Variants in RYR3 observed in about 807,000 individuals in gnomAD.
RYR3 encodes the protein brain ryanodine receptor-calcium release channel.
In RYR3, 207 loss-of-function variants were observed where a neutral mutation model predicts 584.3. The ratio of observed to expected loss-of-function variants is 0.35; its 90% CI spans 0.32 to 0.40. The LOEUF is 0.40. RYR3 is among the 10% of genes least tolerant of loss of function. RYR3 has a pLI of 1.00. For missense variants in RYR3, 5,616 were observed against 6,089.2 expected, an observed-to-expected ratio of 0.92 and a Z score of 2.59; for synonymous variants, 2,416 against 2,248.5, an observed-to-expected ratio of 1.07 and a Z score of -2.11.
intron 43 of RYR3, among the ~76,000 whole-genome samples, chr15:33,719,538 T>A (rs2067747946): frequency 6.6e-6 from 1 of 152,198 alleles, no homozygotes. Flanking sequence ...TTTCCTCCAT[T>A]TTTTTATATT....
At chr15:33,691,769 A>T (rs901444358) in intron 38 of RYR3, among the ~76,000 whole-genome samples, 2 of 152,190 alleles carry the variant, frequency 1.3e-5, no homozygotes, top group African/African-American at 4.8e-5. Flanking sequence ...AAAATTAATA[A>T]TTTTTACTGC....
chr15:33,533,887 C>T, intron 5 of RYR3, among the ~76,000 whole-genome samples: 2 of 101,042 alleles, frequency 2.0e-5, no homozygotes, highest in South Asian at 3.2e-4. Flanking sequence ...ATATCATTTA[C>T]TTTATGATTT....
chr15:33,478,321 T>C (rs986899427), intron 2 of RYR3, among the ~76,000 whole-genome samples: 1 of 152,118 alleles, frequency 6.6e-6, no homozygotes, highest in African/African-American at 2.4e-5. Context: ...ACAAAGAGCT[T>C]GAGAGGGTCC....
chr15:33,797,764 T>C (rs2075707108), intron 67 of RYR3, among the ~76,000 whole-genome samples: 1 of 152,120 alleles, frequency 6.6e-6, no homozygotes, highest in Non-Finnish European at 1.5e-5. Flanking sequence ...AGATAGGATA[T>C]GATCCTCATC....
chr15:33,490,538 C>G (rs1470677461), intron 2 of RYR3, among the ~76,000 whole-genome samples: 1 of 152,038 alleles, frequency 6.6e-6, no homozygotes, highest in Non-Finnish European at 1.5e-5. Context: ...CTCTTCAATT[C>G]CAAGAGTAGT....
chr15:33,563,968 A>G (rs954259620), intron 11 of RYR3, among the ~76,000 whole-genome samples: 2 of 152,212 alleles, frequency 1.3e-5, no homozygotes, highest in African/African-American at 4.8e-5. Context: ...GGCTGGATAC[A>G]GTACCTTCAA....
chr15:33,685,010 A>G (rs992543785), intron 38 of RYR3, among the ~76,000 whole-genome samples: 3 of 152,250 alleles, frequency 2.0e-5, no homozygotes, highest in African/African-American at 4.8e-5. Flanking sequence ...TGTAAAGACC[A>G]TTGATGCTAT....
chr15:33,584,577 T>C, intron 15 of RYR3, 87 bp downstream of exon 15: 3 of 641,888 alleles, frequency 4.7e-6, no homozygotes, highest in South Asian at 2.0e-5. Flanking sequence ...TTGAATCTTT[T>C]CCAATGGATT....
chr15:33,536,103 G>A (rs1283545348), intron 5 of RYR3, among the ~76,000 whole-genome samples: 17 of 152,160 alleles, frequency 1.1e-4, no homozygotes, highest in Admixed American at 1.1e-3. Flanking sequence ...GCAGGAGGAG[G>A]TTCACACGGA....
intron 54 of RYR3, 97 bp from the exon 55 acceptor site, chr15:33,748,371 A>G: frequency 6.6e-7 from 1 of 1,524,844 alleles, no homozygotes; most frequent in Non-Finnish European, 9.0e-7. Context: ...AACCCTGGGG[A>G]GTTTTCAGGA....
chr15:33,414,731 A>G (rs761773046), intron 1 of RYR3, among the ~76,000 whole-genome samples: 31 of 152,054 alleles, frequency 2.0e-4, no homozygotes, highest in Admixed American at 2.6e-4. Context: ...CAGCCTCCCA[A>G]GTAGCTGGGA....
chr15:33,434,942 C>T (rs187187564), intron 1 of RYR3, among the ~76,000 whole-genome samples: 1 of 152,086 alleles, frequency 6.6e-6, no homozygotes, highest in East Asian at 1.9e-4. Flanking sequence ...CTCAGCCTCC[C>T]GAGTAGCTGG....
At chr15:33,676,237 A>G (rs1237234775) in intron 38 of RYR3, among the ~76,000 whole-genome samples, 1 of 20,550 alleles carries the variant, frequency 4.9e-5, no homozygotes, top group Non-Finnish European at 1.1e-4. Flanking sequence ...CTGCCTCTAG[A>G]AGGTAAAAAA....
intron 22 of RYR3, among the ~76,000 whole-genome samples, chr15:33,630,467 A>G (rs2061210352): frequency 6.6e-6 from 1 of 152,194 alleles, no homozygotes; most frequent in Non-Finnish European, 1.5e-5. Context: ...TCTCTAGCCT[A>G]AATTGTTATC....
chr15:33,860,496 CTTT>C, intron 100 of RYR3, 96 bp from the exon 101 acceptor site: 2 of 554,234 alleles, frequency 3.6e-6, no homozygotes, highest in South Asian at 3.6e-5. Context: ...TGATAATTCA[CTTT>C]TTTTTTTTAA....
chr15:33,339,749 T>C (rs969037102), intron 1 of RYR3, among the ~76,000 whole-genome samples: 37 of 151,796 alleles, frequency 2.4e-4, no homozygotes, highest in African/African-American at 7.7e-4. Flanking sequence ...ATTAGTCGGG[T>C]GTAGTGGTGG....
chr15:33,467,372 A>G (rs1389219131), intron 1 of RYR3: 11 of 419,814 alleles, frequency 2.6e-5, no homozygotes, highest in Non-Finnish European at 2.9e-5. Flanking sequence ...GTTTTGTTCC[A>G]GAGAGTTCCT....
intron 68 of RYR3, 149 bp from the exon 69 acceptor site, chr15:33,801,720 A>G (rs928665431): frequency 3.3e-6 from 2 of 601,806 alleles, no homozygotes; most frequent in East Asian, 2.8e-5. Context: ...CCCTCTTCCC[A>G]TAATGGAATG....
At chr15:33,465,197 A>C (rs551953107) in intron 1 of RYR3, among the ~76,000 whole-genome samples, 2 of 152,334 alleles carry the variant, frequency 1.3e-5, no homozygotes, top group Admixed American at 6.5e-5. Flanking sequence ...GCTGCAGTAA[A>C]CATGGGAGTT....
Sources: gnomAD v4.1 joint callset for allele counts (sites outside exome capture counted in the v4.1 genomes callset) on GRCh38, gnomAD v4.1.1 for gene constraint, MANE v1.5 for transcripts, NCBI Gene and HGNC (gene_info 2026-07-23, HGNC 2026-07-21) for gene names.